Variants in GCLC observed in about 807,000 individuals in gnomAD.
GCLC encodes the protein glutamate-cysteine ligase catalytic subunit.
GCLC carries 30 observed loss-of-function variants against 81.5 expected under a neutral mutation model. The observed-to-expected ratio is 0.37, with a 90% CI of 0.28 to 0.50. The LOEUF is 0.50. Ranked by LOEUF, GCLC falls within the 20% of genes least tolerant of loss-of-function variation. The pLI, the probability that GCLC is intolerant of heterozygous loss-of-function variation, is 0.96. For missense variants in GCLC, 556 were observed against 777.4 expected (o/e 0.72, Z 3.39); for synonymous variants, 262 against 273.3 (o/e 0.96, Z 0.41).
chr6:53,542,420 C>T (rs1378294314), intron 1 of GCLC, among the ~76,000 whole-genome samples: 1 of 152,164 alleles, frequency 6.6e-6, no homozygotes, highest in Non-Finnish European at 1.5e-5. Flanking sequence ...CAGCTCTTCC[C>T]ACTTCAATTT....
intron 2 of GCLC, among the ~76,000 whole-genome samples, chr6:53,521,805 T>A (rs969070379): frequency 6.6e-6 from 1 of 152,086 alleles, no homozygotes; most frequent in African/African-American, 2.4e-5. Context: ...AACCCCCGTC[T>A]CTACTAAAAA....
intron 1 of GCLC, among the ~76,000 whole-genome samples, chr6:53,530,048 T>C (rs1763146312): frequency 6.6e-6 from 1 of 152,234 alleles, no homozygotes; most frequent in Non-Finnish European, 1.5e-5. Flanking sequence ...AGGATTTTAG[T>C]TCCTAGGAAC....
At chr6:53,505,551 C>T (rs1764597106) in intron 11 of GCLC, 55 bp from the exon 12 acceptor site, 1 of 937,726 alleles carries the variant, frequency 1.1e-6, no homozygotes, top group South Asian at 1.3e-5. Context: ...ACATGCTCTT[C>T]CCTGACCCAG....
chr6:53,536,938 G>T (rs192250778), intron 1 of GCLC, among the ~76,000 whole-genome samples: 1 of 152,284 alleles, frequency 6.6e-6, no homozygotes. Context: ...CTTTTCTCAT[G>T]CTTTTAAAGT....
At chr6:53,500,549 A>C in intron 12 of GCLC, 36 bp from the exon 13 acceptor site, 1 of 1,427,646 alleles carries the variant, frequency 7.0e-7, no homozygotes, top group Non-Finnish European at 9.9e-7. Context: ...AAGTCAAAAT[A>C]TTCTTGATCA....
Position 53,544,653 on chromosome 6 carries a change from C to CCCT in GCLC, c.-11_-9dup, listed in dbSNP as rs3830798. Reference sequence around the variant, plus strand: ...CTGGGACAGCAGCCCCATGGCCGCCCCCTCCTCCTCCTCCTCCTCCTCCGG... The same window carrying CCCT: ...CTGGGACAGCAGCCCCATGGCCGCCCCCTCCTCCTCCTCCTCCTCCTCCTCCGG... On this transcript the variant is annotated 5_prime_UTR_variant, in exon 1 of 16. Coordinates refer to ENST00000650454, the MANE Select transcript of GCLC (RefSeq NM_001498.4). 204,704 of 1,520,162 alleles carry CCCT rather than the reference C, an allele frequency of 0.13. 9,261 individuals are homozygous for CCCT. The highest frequency in any genetic ancestry group is 0.16 in the Non-Finnish European group (175,429 of 1,129,938). 94.2% of individuals were successfully genotyped at this position (1,520,162 alleles called of 1,614,324 possible). A position where few individuals can be genotyped will look rare whatever the true frequency, so the allele number is the denominator to read the frequency against.
chr6:53,501,327 A>G (rs1241235914), intron 12 of GCLC: 2 of 152,508 alleles, frequency 1.3e-5, no homozygotes, highest in Non-Finnish European at 2.9e-5. Flanking sequence ...AGGTTGTCAT[A>G]TCTGGAATAA....
In GCLC at chr6:53,499,075, A is replaced by T. The variant is rs562571693; in HGVS notation, c.1703-108T>A. 3 of 759,328 alleles carry T rather than the reference A, an allele frequency of 4.0e-6. No individual in the cohort carries two copies. The Admixed American group carries it at 5.7e-5, about 14-fold the overall frequency. The allele number at this position is 759,328 out of a possible 1,614,324, so 47.0% of individuals were successfully genotyped here. Reference sequence around the variant, plus strand: ...AACACAATTCTGGAGAGAAATCAATATGTCCTTTTAGTGTAGCTGCATGGC... The same window carrying T: ...AACACAATTCTGGAGAGAAATCAATTTGTCCTTTTAGTGTAGCTGCATGGC... On this transcript the variant is annotated intron_variant, in intron 15 of 15. Coordinates refer to ENST00000650454, the MANE Select transcript of GCLC (RefSeq NM_001498.4).
intron 1 of GCLC, among the ~76,000 whole-genome samples, chr6:53,529,349 C>T (rs17882386): frequency 0.02 from 3,021 of 152,226 alleles, 110 homozygotes; most frequent in East Asian, 0.18. Context: ...ATCATGCTAC[C>T]ACAATTCAGG....
intron 2 of GCLC, among the ~76,000 whole-genome samples, chr6:53,521,293 C>A (rs560392119): frequency 6.6e-6 from 1 of 152,106 alleles, no homozygotes; most frequent in South Asian, 2.1e-4. Context: ...TAGCTGGGAT[C>A]ACAGGTGTGC....
chr6:53,537,112 C>T (rs766626300), intron 1 of GCLC, among the ~76,000 whole-genome samples: 2 of 152,156 alleles, frequency 1.3e-5, no homozygotes, highest in African/African-American at 2.4e-5. Flanking sequence ...GACCATAATG[C>T]CTTCCTTTCT....
chr6:53,511,369 T>C (rs1044234629), intron 6 of GCLC, among the ~76,000 whole-genome samples: 7 of 152,208 alleles, frequency 4.6e-5, no homozygotes, highest in Admixed American at 3.9e-4. Context: ...ATTTTGAACA[T>C]GCATCTCTTA....
At position 53,497,447 on chromosome 6, in the gene GCLC, AC is replaced by A. The variant is rs1273683445; in HGVS notation, c.*1308del. On this transcript the variant is annotated 3_prime_UTR_variant, in exon 16 of 16. Transcript: ENST00000650454. ...TTACACAAGCAAATTGCAAACGAAA[AC>A]CAGGCATTCTTTAATCATCCAAAAT... is the stretch of plus-strand genomic sequence containing the variant. 1 of 152,234 alleles carries A rather than the reference AC, an allele frequency of 6.6e-6. No homozygotes were observed. Among genetic ancestry groups the A allele is most frequent in the East Asian group, 1.9e-4 (1 of 5,200 alleles). 9.4% of individuals were successfully genotyped at this position (152,234 alleles called of 1,614,324 possible).
At chr6:53,505,561 G>T in intron 11 of GCLC, 65 bp from the exon 12 acceptor site, 2 of 887,794 alleles carry the variant, frequency 2.3e-6, no homozygotes, top group East Asian at 5.1e-5. Flanking sequence ...CCCTGACCCA[G>T]GCCCTTCCTC....
chr6:53,509,161 G>GT lies in GCLC; in HGVS notation c.828+14dup. ...TACGAAGTAGTATTTAAAATAAGAG[G>GT]TAATTTCTACTTACAACAATTGGAC... On this transcript the variant is annotated intron_variant, in intron 7 of 15. Coordinates refer to ENST00000650454, the MANE Select transcript of GCLC (RefSeq NM_001498.4). 2 of 1,428,798 alleles carry GT rather than the reference G, an allele frequency of 1.4e-6. No individual in the cohort carries two copies. Among genetic ancestry groups the GT allele is most frequent in the Non-Finnish European group, 2.0e-6 (2 of 1,010,798 alleles). The allele number at this position is 1,428,798 out of a possible 1,614,324, so 88.5% of individuals were successfully genotyped here. A position where few individuals can be genotyped will look rare whatever the true frequency, so the allele number is the denominator to read the frequency against.
intron 1 of GCLC, chr6:53,523,317 T>C (rs988905619): frequency 6.6e-6 from 1 of 152,252 alleles, no homozygotes; most frequent in Non-Finnish European, 1.5e-5. Flanking sequence ...GTGAAGATTA[T>C]GAATCACTGT....
At chr6:53,535,996 T>A (rs1008364747) in intron 1 of GCLC, among the ~76,000 whole-genome samples, 3 of 152,230 alleles carry the variant, frequency 2.0e-5, no homozygotes, top group African/African-American at 4.8e-5. Flanking sequence ...TGTATGTTAA[T>A]GTTCATATAA....
intron 3 of GCLC, among the ~76,000 whole-genome samples, chr6:53,519,935 G>A (rs569609938): frequency 1.3e-5 from 2 of 152,034 alleles, no homozygotes; most frequent in Admixed American, 1.3e-4. Flanking sequence ...ACCCTGAATG[G>A]CTGACGGACA....
intron 4 of GCLC, 179 bp from the exon 5 acceptor site, chr6:53,514,676 A>AT: frequency 1.5e-6 from 1 of 684,774 alleles, no homozygotes; most frequent in South Asian, 1.6e-5. Context: ...GTGATTAAAG[A>AT]TTTTGCATTA....
Sources: allele counts gnomAD v4.1 joint callset (sites outside exome capture counted in the v4.1 genomes callset), GRCh38; gene constraint gnomAD v4.1.1; transcripts MANE v1.5; gene names NCBI Gene and HGNC (gene_info 2026-07-23, HGNC 2026-07-21).